TNK2: variants seen among roughly 807,000 people sequenced by gnomAD.
TNK2 encodes activated CDC42 kinase 1.
In TNK2, 83 loss-of-function variants were observed where a neutral mutation model predicts 101.8. The observed-to-expected ratio is 0.82, with a 90% CI of 0.68 to 0.98. The LOEUF is 0.98. TNK2 is among the 50% of genes least tolerant of loss of function. The probability of loss-of-function intolerance (pLI) is 0.00; values close to 1 mark genes in which losing one functional copy is unlikely to be tolerated. For synonymous variants in TNK2, 804 were observed against 633.0 expected, an observed-to-expected ratio of 1.27 and a Z score of -4.06; for missense variants, 1,665 against 1,483.2, an observed-to-expected ratio of 1.12 and a Z score of -2.01.
Position 195,886,902 on chromosome 3 carries a change from G to A in TNK2, c.234+75C>T, listed in dbSNP as rs572232947. The stretch of plus-strand genomic sequence containing the variant: ...TCGACCTGCCGGGGAGCTGGGGAAG[G>A]TTCCCAGGACCAGAAGCGGAGGGGG... On this transcript the variant is annotated intron_variant, in intron 3 of 15. Transcript: ENST00000672887. The surrounding 1 kb of genome is among the most constrained non-coding windows in gnomAD (Gnocchi z 4.2). The A allele has an allele frequency of 1.9e-3, 2,883 of 1,535,122 alleles. 3 individuals are homozygous for A. The highest frequency in any genetic ancestry group is 2.4e-3 in the Non-Finnish European group (2,653 of 1,108,148).
chr3:195,868,018 G>T lies in TNK2; in HGVS notation c.2280C>A (p.Ile760=), dbSNP rs756017235. The change falls in exon 13 of 16, where the codon ATC becomes ATA. Residue 760 remains isoleucine (I), a synonymous_variant. Coordinates refer to ENST00000672887, the MANE Select transcript of TNK2 (RefSeq NM_001382273.1). ...DKPQVPPRVP[I]PPRPTRPHVQ... ...CGTGTGGGCGCGTGGGCCGAGGGGG[G>T]ATGGGTACCCGAGGAGGCACCTGGG... 2 of 1,583,120 alleles carry T rather than the reference G, an allele frequency of 1.3e-6. No homozygotes were observed. Among genetic ancestry groups the T allele is most frequent in the Admixed American group, 1.8e-5 (1 of 55,564 alleles).
chr3:195,868,557 C>T lies in TNK2; in HGVS notation c.1741G>A (p.Ala581Thr), dbSNP rs202068965. The change falls in exon 13 of 16, where the codon GCT becomes ACT. Residue 581 changes from alanine (A) to threonine (T), a missense_variant. This residue lies in a region of TNK2 where 1,136 missense variants were observed against 894.9 expected (regional missense o/e 1.27). Transcript: ENST00000672887. ...CCGAAGTCGATGAGCGTGACCTCAG[C>T]CCCGCTGCCTCGGCTGGCCTTGGTG... is the stretch of plus-strand genomic sequence containing the variant. ...PGTKASRGSG[A>T]EVTLIDFGEE... 8 of 1,573,086 alleles carry T rather than the reference C, an allele frequency of 5.1e-6. No homozygotes were observed. Among genetic ancestry groups the T allele is most frequent in the African/African-American group, 1.4e-5 (1 of 73,864 alleles).
chr3:195,869,069 G>A (rs1045406347), intron 12 of TNK2: 2 of 463,304 alleles, frequency 4.3e-6, no homozygotes, highest in Non-Finnish European at 7.7e-6. Flanking sequence ...CCCCGCCCCT[G>A]TCACGGCACA....
intron 1 of TNK2, chr3:195,892,694 T>C (rs1759072170): frequency 2.1e-6 from 3 of 1,395,768 alleles, no homozygotes; most frequent in African/African-American, 1.5e-5. Context: ...TTCCTCACGC[T>C]GGCTGCAGCC....
intron 2 of TNK2, among the ~76,000 whole-genome samples, chr3:195,887,323 A>G (rs958988715): frequency 6.6e-6 from 1 of 152,194 alleles, no homozygotes; most frequent in Non-Finnish European, 1.5e-5. Flanking sequence ...TAATGAACAG[A>G]ATTTTCTCAA....
rs527501023 is a variant in TNK2 at position 195,864,051 on chromosome 3, T to C, written c.*130A>G. On this transcript the variant is annotated 3_prime_UTR_variant, in exon 16 of 16. Transcript: ENST00000672887. ...CTCCCAGCCTCCCGCAGCCTTGGCC[T>C]TGCTCCATCCCCGGGAGCAGCAGGA... The C allele has an allele frequency of 3.7e-3, 4,813 of 1,303,636 alleles. 16 individuals are homozygous for C. Among genetic ancestry groups the C allele is most frequent in the South Asian group, 3.6e-3 (285 of 78,880 alleles). The allele number at this position is 1,303,636 out of a possible 1,614,324, so 80.8% of individuals were successfully genotyped here.
chr3:195,893,468 C>T (rs562624803), intron 1 of TNK2, among the ~76,000 whole-genome samples: 10 of 152,224 alleles, frequency 6.6e-5, no homozygotes, highest in African/African-American at 1.2e-4. Flanking sequence ...CCTGCTGGGA[C>T]GCCCCCACCC....
chr3:195,906,782 A>G (rs1761767051), intron 1 of TNK2, among the ~76,000 whole-genome samples: 1 of 152,230 alleles, frequency 6.6e-6, no homozygotes, highest in Admixed American at 6.5e-5. Flanking sequence ...ATTTAAAACA[A>G]ACAAAAAGAA....
At chr3:195,869,400 C>CA in intron 12 of TNK2, 97 bp downstream of exon 12, 12 of 1,296,886 alleles carry the variant, frequency 9.3e-6, no homozygotes, top group African/African-American at 1.5e-5. Flanking sequence ...CCCACCTCCC[C>CA]TCCGGCCCAG....
intron 1 of TNK2, among the ~76,000 whole-genome samples, chr3:195,904,912 C>T (rs1408513547): frequency 6.6e-6 from 1 of 152,174 alleles, no homozygotes; most frequent in African/African-American, 2.4e-5. Flanking sequence ...TACTGCTAAC[C>T]GATCAATTCT....
chr3:195,877,326 C>T (rs998037789), intron 9 of TNK2, among the ~76,000 whole-genome samples: 7 of 152,102 alleles, frequency 4.6e-5, no homozygotes, highest in South Asian at 4.1e-4. Flanking sequence ...CTCGGGGTGT[C>T]GGGGCCACAG....
intron 11 of TNK2, 124 bp downstream of exon 11, chr3:195,869,990 G>T: frequency 1.3e-6 from 1 of 750,272 alleles, no homozygotes; most frequent in Non-Finnish European, 2.1e-6. Context: ...CAGCTGTCCC[G>T]CCTGCTGCCC....
At chr3:195,887,192 G>GA in intron 2 of TNK2, 145 bp from the exon 3 acceptor site, 2 of 768,734 alleles carry the variant, frequency 2.6e-6, no homozygotes, top group Non-Finnish European at 4.3e-6. Flanking sequence ...CTAACCCGGA[G>GA]CCTCAACTGA....
chr3:195,883,423 C>A, intron 4 of TNK2, 114 bp from the exon 5 acceptor site: 1 of 1,306,742 alleles, frequency 7.7e-7, no homozygotes, highest in South Asian at 1.3e-5. Context: ...AGCTCCTCAT[C>A]TGGGTGGGTA....
At chr3:195,897,699 G>C (rs1156554909) in intron 1 of TNK2, among the ~76,000 whole-genome samples, 1 of 151,792 alleles carries the variant, frequency 6.6e-6, no homozygotes, top group Non-Finnish European at 1.5e-5. Flanking sequence ...ATGAGGTTTC[G>C]TCATGTTGCC....
intron 1 of TNK2, among the ~76,000 whole-genome samples, chr3:195,907,768 T>G (rs1428612317): frequency 6.6e-6 from 1 of 152,194 alleles, no homozygotes. Flanking sequence ...GCGGCCCATC[T>G]GCAAACCTCC....
chr3:195,872,680 C>T (rs2149339373), intron 9 of TNK2: 4 of 553,640 alleles, frequency 7.2e-6, no homozygotes, highest in East Asian at 6.5e-5. Context: ...ACCCACAACT[C>T]TCTAGGTGGG....
rs755548214 is a variant in TNK2, at chr3:195,869,670, T to C, written c.1544-129A>G. ...AGAGAAGTGAATGGGGGCGAGTGAA[T>C]GTACAAGCCCCCAGCAAACGGGAGG... On this transcript the variant is annotated intron_variant, in intron 11 of 15. Transcript: ENST00000672887. 17 of 959,630 alleles carry C rather than the reference T, an allele frequency of 1.8e-5. 1 individual carries two copies. Among genetic ancestry groups the C allele is most frequent in the African/African-American group, 1.1e-4 (7 of 61,394 alleles). 59.4% of individuals were successfully genotyped at this position (959,630 alleles called of 1,614,324 possible).
chr3:195,878,701 C>A lies in TNK2; in HGVS notation c.1015-109G>T. 6.8e-7 allele frequency: 1 copy of A among 1,468,436 alleles called. No individual in the cohort carries two copies. Among genetic ancestry groups the A allele is most frequent in the East Asian group, 2.4e-5 (1 of 40,852 alleles). 91.0% of individuals were successfully genotyped at this position (1,468,436 alleles called of 1,614,324 possible). A position where few individuals can be genotyped will look rare whatever the true frequency, so the allele number is the denominator to read the frequency against. ...CTGCAGCGGCTGCTGCCATGCCTGG[C>A]CTCCAAAGAAGGGATCTGCCTGCCT... On this transcript the variant is annotated intron_variant, in intron 7 of 15. Transcript: ENST00000672887. This position sits in a 1 kb window ranked among gnomAD's most constrained non-coding sequence, Gnocchi z 4.7.
Sources: gnomAD v4.1 joint callset for allele counts (sites outside exome capture counted in the v4.1 genomes callset) on GRCh38, gnomAD v4.1.1 for gene constraint, gnomAD v4.1.1 regional missense constraint, Gnocchi (gnomAD v3.1) non-coding constraint, MANE v1.5 for transcripts, NCBI Gene and HGNC (gene_info 2026-07-23, HGNC 2026-07-21) for gene names.